Variants in HECW2 observed in about 807,000 individuals in gnomAD.
HECW2 encodes E3 ubiquitin-protein ligase HECW2.
Under a neutral mutation model 175.2 loss-of-function variants are expected in HECW2, and 61 were observed. The observed-to-expected ratio is 0.35, with a 90% CI of 0.28 to 0.43. HECW2 has a LOEUF of 0.43. Ranked by LOEUF, HECW2 falls within the 20% of genes least tolerant of loss-of-function variation. The pLI is 1.00. For synonymous variants in HECW2, 671 were observed against 731.0 expected (o/e 0.92, Z 1.32); for missense variants, 1,524 against 2,000.5 (o/e 0.76, Z 4.54).
At chr2:196,367,874 GTT>G (rs869225353) in intron 2 of HECW2, among the ~76,000 whole-genome samples, 7 of 149,982 alleles carry the variant, frequency 4.7e-5, no homozygotes, top group African/African-American at 1.2e-4. Context: ...GTGTGTGTGT[GTT>G]TGTGTGTGTG....
At chr2:196,593,317 C>A (rs1404001122) in intron 1 of HECW2, among the ~76,000 whole-genome samples, 191 bp downstream of exon 1, 1 of 150,750 alleles carries the variant, frequency 6.6e-6, no homozygotes, top group Non-Finnish European at 1.5e-5. Context: ...AGGTTTGTGG[C>A]CGAGCGCGGC....
At chr2:196,276,595 C>T (rs540197484) in intron 15 of HECW2, among the ~76,000 whole-genome samples, 2 of 152,142 alleles carry the variant, frequency 1.3e-5, no homozygotes, top group African/African-American at 2.4e-5. Context: ...TGCTACACAT[C>T]GCACACAAGG....
At chr2:196,500,913 G>A (rs1267547770) in intron 1 of HECW2, among the ~76,000 whole-genome samples, 2 of 152,156 alleles carry the variant, frequency 1.3e-5, no homozygotes, top group Non-Finnish European at 1.5e-5. Flanking sequence ...TTGATTGGAG[G>A]GAAACAAAGC....
intron 2 of HECW2, among the ~76,000 whole-genome samples, chr2:196,364,114 G>T (rs1158480813): frequency 1.3e-5 from 2 of 152,154 alleles, no homozygotes; most frequent in African/African-American, 4.8e-5. Context: ...AATCCCACCT[G>T]AGGCTCCTAT....
chr2:196,519,844 T>C (rs1382564289), intron 1 of HECW2, among the ~76,000 whole-genome samples: 1 of 152,236 alleles, frequency 6.6e-6, no homozygotes, highest in Non-Finnish European at 1.5e-5. Flanking sequence ...TCCATTCTAA[T>C]TGAGACATGC....
At chr2:196,548,762 A>T (rs1234998059) in intron 1 of HECW2, among the ~76,000 whole-genome samples, 1 of 152,192 alleles carries the variant, frequency 6.6e-6, no homozygotes, top group Non-Finnish European at 1.5e-5. Flanking sequence ...AGGTGTTGGC[A>T]GGGTTGGTTC....
intron 1 of HECW2, among the ~76,000 whole-genome samples, chr2:196,503,503 A>G (rs575234026): frequency 6.6e-6 from 1 of 152,258 alleles, no homozygotes; most frequent in East Asian, 1.9e-4. Context: ...AACTAGGGAC[A>G]AGGGAAAAAC....
intron 20 of HECW2, among the ~76,000 whole-genome samples, chr2:196,240,982 T>A (rs138002051): frequency 1.3e-4 from 20 of 150,904 alleles, no homozygotes; most frequent in African/African-American, 4.4e-4. Context: ...AATTATTAAG[T>A]GCCCAGCAAG....
chr2:196,215,519 G>A (rs552997615), intron 28 of HECW2, among the ~76,000 whole-genome samples: 2 of 152,182 alleles, frequency 1.3e-5, no homozygotes, highest in South Asian at 4.1e-4. Flanking sequence ...TTTACTGAAG[G>A]GATTCTAAAT....
chr2:196,254,236 A>G (rs1234587689), intron 18 of HECW2, among the ~76,000 whole-genome samples: 1 of 152,066 alleles, frequency 6.6e-6, no homozygotes, highest in Non-Finnish European at 1.5e-5. Flanking sequence ...CTGTTTTCCT[A>G]CCAACTTTGG....
chr2:196,461,081 T>C (rs189725983), intron 1 of HECW2, among the ~76,000 whole-genome samples: 29 of 152,086 alleles, frequency 1.9e-4, no homozygotes, highest in Admixed American at 5.9e-4. Flanking sequence ...ACAGTTGTAA[T>C]AGATAAAATG....
intron 21 of HECW2, among the ~76,000 whole-genome samples, chr2:196,236,850 C>T (rs1447724053): frequency 6.6e-6 from 1 of 152,188 alleles, no homozygotes; most frequent in African/African-American, 2.4e-5. Flanking sequence ...CCTTGATCAC[C>T]TGACTGCCAT....
intron 2 of HECW2, among the ~76,000 whole-genome samples, chr2:196,364,629 CTT>C (rs1475964373): frequency 3.3e-5 from 5 of 152,176 alleles, no homozygotes; most frequent in East Asian, 1.9e-4. Context: ...ACAAAACACT[CTT>C]ATGTTTTTAC....
At chr2:196,229,241 C>T (rs1030176787) in intron 21 of HECW2, among the ~76,000 whole-genome samples, 4 of 151,856 alleles carry the variant, frequency 2.6e-5, no homozygotes, top group African/African-American at 9.7e-5. Context: ...CTCCTTCTTC[C>T]TCTTTTCTCC....
At chr2:196,268,728 C>T (rs1003118447) in intron 17 of HECW2, among the ~76,000 whole-genome samples, 1 of 152,092 alleles carries the variant, frequency 6.6e-6, no homozygotes, top group Non-Finnish European at 1.5e-5. Flanking sequence ...CTTAGAGGAA[C>T]AGATATTAAC....
chr2:196,491,369 T>TACACACACACAC (rs67409257), intron 1 of HECW2, among the ~76,000 whole-genome samples: 3 of 130,670 alleles, frequency 2.3e-5, no homozygotes, highest in African/African-American at 8.9e-5. Flanking sequence ...CATATATATA[T>TACACACACACAC]ACACACACAC....
Position 196,319,203 on chromosome 2 carries a change from C to T in HECW2, c.1687G>A (p.Gly563Ser). The T allele has an allele frequency of 6.3e-7, 1 of 1,597,382 alleles. No individual in the cohort carries two copies. Among genetic ancestry groups the T allele is most frequent in the Non-Finnish European group, 8.5e-7 (1 of 1,171,552 alleles). Residue 563 changes from glycine to serine, a missense_variant, in exon 9 of 29, where the codon GGC (glycine) becomes AGC (serine). Around this residue, in one of 11 missense-constraint regions of HECW2, gnomAD observed 604 missense variants for 588.3 expected, o/e 1.03. Transcript: ENST00000644978. The part of the protein sequence containing the change: ...GPEPQPSADQ[G>S]SAELCGSQEV... The stretch of plus-strand genomic sequence containing the variant: ...TGAGAGCCACACAGTTCAGCACTGC[C>T]CTGGTCAGCACTGGGTTGAGGCTCT...
chr2:196,218,172 T>C (rs1687542787), intron 26 of HECW2: 1 of 152,216 alleles, frequency 6.6e-6, no homozygotes, highest in South Asian at 2.1e-4. Flanking sequence ...AGCTTTAAAG[T>C]TTTTTGACCT....
intron 1 of HECW2, among the ~76,000 whole-genome samples, chr2:196,457,036 G>A (rs1696539694): frequency 6.6e-6 from 1 of 152,182 alleles, no homozygotes; most frequent in South Asian, 2.1e-4. Context: ...CAAAGAAGGA[G>A]CATCCAAATT....
Sources: gnomAD v4.1 joint callset for allele counts (sites outside exome capture counted in the v4.1 genomes callset) on GRCh38, gnomAD v4.1.1 for gene constraint, gnomAD v4.1.1 regional missense constraint, MANE v1.5 for transcripts, NCBI Gene and HGNC (gene_info 2026-07-23, HGNC 2026-07-21) for gene names.